Variants in NRCAM observed in about 807,000 individuals in gnomAD.
NRCAM encodes the protein NgCAM-related cell adhesion molecule.
In NRCAM, 83 loss-of-function variants were observed where a neutral mutation model predicts 156.5. That is an observed-to-expected ratio of 0.53 (90% CI 0.44 to 0.64). NRCAM has a LOEUF of 0.64. Ranked by LOEUF, NRCAM falls within the 30% of genes least tolerant of loss-of-function variation. The pLI is 0.00. For missense variants in NRCAM, 1,417 were observed against 1,597.3 expected (o/e 0.89, Z 1.92); for synonymous variants, 538 against 563.9 (o/e 0.95, Z 0.65).
At chr7:108,345,907 GA>G in intron 2 of NRCAM, among the ~76,000 whole-genome samples, 1 of 152,224 alleles carries the variant, frequency 6.6e-6, no homozygotes, top group African/African-American at 2.4e-5. Flanking sequence ...GTCTGTGGGG[GA>G]GCCCAGGAGT....
chr7:108,150,796 T>C (rs551398888), intron 32 of NRCAM: 2 of 469,972 alleles, frequency 4.3e-6, no homozygotes, highest in African/African-American at 2.0e-5. Flanking sequence ...GTACACAGTA[T>C]TTTTTTGTTT....
intron 2 of NRCAM, among the ~76,000 whole-genome samples, chr7:108,324,420 T>C (rs1267862379): frequency 2.0e-5 from 3 of 152,222 alleles, no homozygotes; most frequent in Non-Finnish European, 4.4e-5. Context: ...TCAATAATAA[T>C]GCTTGTCTTC....
chr7:108,429,819 T>C (rs1398889908), intron 1 of NRCAM, among the ~76,000 whole-genome samples: 1 of 152,102 alleles, frequency 6.6e-6, no homozygotes, highest in Non-Finnish European at 1.5e-5. Context: ...TAAAAAGTGG[T>C]AAGTAGAATA....
At chr7:108,366,841 C>T (rs1208588909) in intron 2 of NRCAM, among the ~76,000 whole-genome samples, 1 of 152,190 alleles carries the variant, frequency 6.6e-6, no homozygotes. Flanking sequence ...TTATAATGAT[C>T]ATTTGTCATC....
intron 1 of NRCAM, among the ~76,000 whole-genome samples, chr7:108,405,654 A>G (rs2099805181): frequency 6.6e-6 from 1 of 152,166 alleles, no homozygotes; most frequent in South Asian, 2.1e-4. Flanking sequence ...ACAAACAAAA[A>G]CTTTGCAAAG....
chr7:108,395,848 CAGA>C (rs779472614), intron 2 of NRCAM, among the ~76,000 whole-genome samples: 2 of 152,186 alleles, frequency 1.3e-5, no homozygotes, highest in Non-Finnish European at 2.9e-5. Context: ...TAAGATAGTT[CAGA>C]AGAAGACCAC....
rs747381492 is a variant in NRCAM, at chr7:108,160,256, C to G, written c.3598+105G>C. The G allele has an allele frequency of 4.3e-6, 5 of 1,171,880 alleles. No individual in the cohort carries two copies. In the Admixed American group the frequency reaches 6.3e-5, roughly 15 times the overall value. 72.6% of individuals were successfully genotyped at this position (1,171,880 alleles called of 1,614,324 possible). A position where few individuals can be genotyped will look rare whatever the true frequency, so the allele number is the denominator to read the frequency against. On this transcript the variant is annotated intron_variant, in intron 31 of 32. Coordinates refer to ENST00000379028, the MANE Select transcript of NRCAM (RefSeq NM_001037132.4). ...GAAGAGAAAGTCCAAACTCATGGCT[C>G]TGGGAAGACAAAATATTACAATCTA...
At chr7:108,184,953 T>C (rs189353603) in intron 20 of NRCAM, among the ~76,000 whole-genome samples, 2 of 152,144 alleles carry the variant, frequency 1.3e-5, no homozygotes, top group East Asian at 3.9e-4. Flanking sequence ...AAATCTGGTA[T>C]TCTTTCTCTA....
In NRCAM at chr7:108,194,376, C is replaced by T; in HGVS notation, c.1516G>A (p.Glu506Lys). ...ALHEDIYVLH[E>K]NGTLEIPVAQ... ...ACAGGAATTTCCAAAGTTCCATTTT[C>T]ATGTAAAACATAAATATCTTCATGA... Residue 506 changes from glutamate to lysine, a missense_variant, in exon 16 of 33, where the codon GAA (glutamate) becomes AAA (lysine). Glu to Lys is a moderately conservative substitution (Grantham distance 56). Coordinates refer to ENST00000379028, the MANE Select transcript of NRCAM (RefSeq NM_001037132.4). The T allele has an allele frequency of 6.2e-7, 1 of 1,613,144 alleles. No individual in the cohort carries two copies. The highest frequency in any genetic ancestry group is 8.5e-7 in the Non-Finnish European group (1 of 1,179,338).
At chr7:108,293,202 T>C (rs550263599) in intron 3 of NRCAM, among the ~76,000 whole-genome samples, 16 of 152,268 alleles carry the variant, frequency 1.1e-4, no homozygotes, top group African/African-American at 3.9e-4. Flanking sequence ...AGCTGTATCC[T>C]AGCTCATAGG....
chr7:108,345,718 C>T (rs182823281), intron 2 of NRCAM, among the ~76,000 whole-genome samples: 1 of 152,180 alleles, frequency 6.6e-6, no homozygotes, highest in South Asian at 2.1e-4. Flanking sequence ...AGGAACCCCA[C>T]CAGCTGACAT....
chr7:108,314,906 T>C (rs535770863), intron 2 of NRCAM, among the ~76,000 whole-genome samples: 3 of 152,274 alleles, frequency 2.0e-5, no homozygotes, highest in South Asian at 4.1e-4. Flanking sequence ...TTAGAGATGT[T>C]TACTCTTTGA....
chr7:108,325,012 T>C (rs746601391), intron 2 of NRCAM, among the ~76,000 whole-genome samples: 7 of 148,888 alleles, frequency 4.7e-5, no homozygotes, highest in African/African-American at 1.7e-4. Flanking sequence ...CTCCACCAAA[T>C]AGAAAGGAGG....
At chr7:108,203,518 C>T (rs2079292524) in intron 13 of NRCAM, among the ~76,000 whole-genome samples, 1 of 151,686 alleles carries the variant, frequency 6.6e-6, no homozygotes, top group East Asian at 1.9e-4. Context: ...TTGCATTTTG[C>T]TAAAAGAACC....
chr7:108,222,305 C>G (rs2092544272), intron 11 of NRCAM, among the ~76,000 whole-genome samples: 1 of 152,186 alleles, frequency 6.6e-6, no homozygotes. Flanking sequence ...TTCTATAAGT[C>G]TGATGGCTGG....
chr7:108,414,371 T>G (rs1289091383), intron 1 of NRCAM, among the ~76,000 whole-genome samples: 1 of 152,174 alleles, frequency 6.6e-6, no homozygotes, highest in Non-Finnish European at 1.5e-5. Context: ...CTCACTATTT[T>G]TGTCCTGGAA....
chr7:108,255,532 G>A (rs1210605126), intron 3 of NRCAM, among the ~76,000 whole-genome samples: 2 of 152,138 alleles, frequency 1.3e-5, no homozygotes, highest in African/African-American at 2.4e-5. Flanking sequence ...CCACCTCCCA[G>A]CAGCCTGCCT....
Position 108,269,181 on chromosome 7 carries a change from A to G in NRCAM, c.-106-29011T>C, listed in dbSNP as rs543163336. ...CTGTATTTGAAAAAAAAAAAAAAGA[A>G]AAAAGAAACTCAACAGTAATGTAAA... On this transcript the variant is annotated intron_variant, in intron 3 of 32. Transcript: ENST00000379028. 2.0e-5 allele frequency among the ~76,000 whole-genome samples: 3 copies of G among 152,210 alleles called. No individual in the cohort carries two copies. The East Asian group carries it at 5.8e-4, about 29-fold the overall frequency.
At chr7:108,202,355 C>T (rs1018000049) in intron 13 of NRCAM, among the ~76,000 whole-genome samples, 2 of 152,100 alleles carry the variant, frequency 1.3e-5, no homozygotes, top group African/African-American at 4.8e-5. Flanking sequence ...CTTTAAAATG[C>T]TTTTACATTT....
Sources: gnomAD v4.1 joint callset for allele counts (sites outside exome capture counted in the v4.1 genomes callset) on GRCh38, gnomAD v4.1.1 for gene constraint, MANE v1.5 for transcripts, NCBI Gene and HGNC (gene_info 2026-07-23, HGNC 2026-07-21) for gene names.